PRSS8: variants seen among roughly 807,000 people sequenced by gnomAD.
The protein encoded by PRSS8 is serine protease 8.
In PRSS8, 11 loss-of-function variants were observed where a neutral mutation model predicts 26.7. The ratio of observed to expected loss-of-function variants is 0.41; its 90% CI spans 0.26 to 0.68. PRSS8 has a LOEUF of 0.68. Among genes scored for constraint, PRSS8 ranks in the 30% least tolerant of loss-of-function variants. The probability of loss-of-function intolerance (pLI) is 0.30; values close to 1 mark genes in which losing one functional copy is unlikely to be tolerated. For synonymous variants in PRSS8, 183 were observed against 187.0 expected, an observed-to-expected ratio of 0.98 and a Z score of 0.17; for missense variants, 362 against 443.5, an observed-to-expected ratio of 0.82 and a Z score of 1.65.
Position 31,131,958 on chromosome 16 carries a change from C to T in PRSS8, c.*51G>A, listed in dbSNP as rs1346677831. ...GGGTCCAAAGGCCATCAGGGAAGGA[C>T]CAGGCTCCTGTCCTTGAGTGTGATG... On this transcript the variant is annotated 3_prime_UTR_variant, in exon 6 of 6. Transcript: ENST00000317508. 4 of 1,478,594 alleles carry T rather than the reference C, an allele frequency of 2.7e-6. No homozygotes were observed. The highest frequency in any genetic ancestry group is 1.4e-5 in the South Asian group (1 of 72,786). 91.6% of individuals were successfully genotyped at this position (1,478,594 alleles called of 1,614,324 possible).
At position 31,132,493 on chromosome 16, in the gene PRSS8, G is replaced by A. The variant is rs373855636; in HGVS notation, c.641C>T (p.Pro214Leu). Residue 214 changes from proline to leucine, a missense_variant, in exon 5 of 6, where the codon CCG becomes CTG. Transcript: ENST00000317508. The surrounding 1 kb of genome is among the most constrained non-coding windows in gnomAD (Gnocchi z 5.2). ...LYNIDAKPEE[P>L]HFVQEDMVCA... Reference sequence around the variant, plus strand: ...CACCATGTCCTCTTGGACAAAGTGCGGCTCCTCAGGCTTGGCGTCGATGTT... The same window carrying A: ...CACCATGTCCTCTTGGACAAAGTGCAGCTCCTCAGGCTTGGCGTCGATGTT... The A allele has an allele frequency of 2.2e-5, 36 of 1,613,930 alleles. No individual in the cohort carries two copies. The highest frequency in any genetic ancestry group is 2.7e-5 in the Non-Finnish European group (32 of 1,179,900).
At position 31,135,696 on chromosome 16, in the gene PRSS8, CG is replaced by C. The variant is rs1285027272; in HGVS notation, c.-199del. On this transcript the variant is annotated 5_prime_UTR_variant, in exon 1 of 6. Coordinates refer to ENST00000317508, the MANE Select transcript of PRSS8 (RefSeq NM_002773.5). ...CGGGAGACGCCTGGAGTATCCGAAG[CG>C]AGCAGTGTGGACGAGTCACCAGCAC... 3.5e-6 allele frequency: 2 copies of C among 576,178 alleles called. No individual in the cohort carries two copies. The highest frequency in any genetic ancestry group is 6.1e-6 in the Non-Finnish European group (2 of 326,148). 35.7% of individuals were successfully genotyped at this position (576,178 alleles called of 1,614,324 possible). A position where few individuals can be genotyped will look rare whatever the true frequency, so the allele number is the denominator to read the frequency against.
chr16:31,134,759 A>T, intron 2 of PRSS8: 1 of 228,406 alleles, frequency 4.4e-6, no homozygotes, highest in East Asian at 1.1e-4. Context: ...AGGGAGGCTG[A>T]GGTGGGGAGG....
At position 31,133,046 on chromosome 16, in the gene PRSS8, G is replaced by A; in HGVS notation, c.267-93C>T. 1.3e-6 allele frequency: 2 copies of A among 1,583,116 alleles called. No individual in the cohort carries two copies. The highest frequency in any genetic ancestry group is 2.3e-5 in the South Asian group (2 of 88,756). On this transcript the variant is annotated intron_variant, in intron 3 of 5. Coordinates refer to ENST00000317508, the MANE Select transcript of PRSS8 (RefSeq NM_002773.5). The surrounding 1 kb of genome is among the most constrained non-coding windows in gnomAD (Gnocchi z 4.7). The stretch of plus-strand genomic sequence containing the variant: ...CCCTGATTCCGATCAGCCCCTTTTA[G>A]GTCTCAAATTGCACCTTAGTTTTAT...
chr16:31,135,614 G>C lies in PRSS8; in HGVS notation c.-116C>G, dbSNP rs1596832105. ...CAGAGGGAAGGATCCCAGAATCCGG[G>C]CTGGAAAGGGGCAGCAAGTGTCCAA... On this transcript the variant is annotated 5_prime_UTR_variant, in exon 1 of 6. Coordinates refer to ENST00000317508, the MANE Select transcript of PRSS8 (RefSeq NM_002773.5). The C allele has an allele frequency of 1.1e-6, 1 of 916,966 alleles. No individual in the cohort carries two copies. Among genetic ancestry groups the C allele is most frequent in the Non-Finnish European group, 1.6e-6 (1 of 613,706 alleles). The allele number at this position is 916,966 out of a possible 1,614,324, so 56.8% of individuals were successfully genotyped here. A position where few individuals can be genotyped will look rare whatever the true frequency, so the allele number is the denominator to read the frequency against.
chr16:31,131,931 C>T lies in PRSS8; in HGVS notation c.*78G>A. ...AGGAAGGAGTGGCTCAAGTCAGGCC[C>T]TGGGTCCAAAGGCCATCAGGGAAGG... On this transcript the variant is annotated 3_prime_UTR_variant, in exon 6 of 6. Transcript: ENST00000317508. 2 of 1,422,862 alleles carry T rather than the reference C, an allele frequency of 1.4e-6. No homozygotes were observed. The highest frequency in any genetic ancestry group is 2.9e-5 in the South Asian group (2 of 67,900). 88.1% of individuals were successfully genotyped at this position (1,422,862 alleles called of 1,614,324 possible). A position where few individuals can be genotyped will look rare whatever the true frequency, so the allele number is the denominator to read the frequency against.
At chr16:31,135,034 G>C (rs2057598113) in intron 2 of PRSS8, 120 bp downstream of exon 2, 1 of 1,266,996 alleles carries the variant, frequency 7.9e-7, no homozygotes, top group African/African-American at 1.5e-5. Context: ...CACTCTGGGA[G>C]CCCTAAGAGA....
rs781025837 is a variant in PRSS8, at chr16:31,132,275, C to T, written c.766G>A (p.Val256Met). Residue 256 changes from valine (V) to methionine (M), a missense_variant, in exon 6 of 6, where the codon GTG becomes ATG. Physicochemically the swap from Val to Met is conservative, Grantham distance 21. Transcript: ENST00000317508. The surrounding 1 kb of genome is among the most constrained non-coding windows in gnomAD (Gnocchi z 5.2). ...VEGLWYLTGI[V>M]SWGDACGARN... ...GCCCCACAGGCATCTCCCCAGCTCA[C>T]AATGCCCGTCAGGTACCAGAGACCC... 110 of 1,613,638 alleles carry T rather than the reference C, an allele frequency of 6.8e-5. No homozygotes were observed. The highest frequency in any genetic ancestry group is 9.2e-5 in the Non-Finnish European group (108 of 1,179,762).
Position 31,132,371 on chromosome 16 carries a change from G to C in PRSS8, c.706-36C>G, listed in dbSNP as rs376497429. 69 of 1,613,894 alleles carry C rather than the reference G, an allele frequency of 4.3e-5. No homozygotes were observed. The African/African-American group carries it at 5.1e-4, about 12-fold the overall frequency. On this transcript the variant is annotated intron_variant, in intron 5 of 5. Transcript: ENST00000317508. The surrounding 1 kb of genome is among the most constrained non-coding windows in gnomAD (Gnocchi z 5.2). ...AAGCCACACAGCAGCCATCAGGACCGGGCCAGGCCTCCTTTCCGAAGTTGC... is the reference window on the plus strand; with the variant it reads ...AAGCCACACAGCAGCCATCAGGACCCGGCCAGGCCTCCTTTCCGAAGTTGC...
At position 31,131,583 on chromosome 16, in the gene PRSS8, C is replaced by G; in HGVS notation, c.*426G>C. The G allele has an allele frequency of 2.1e-6, 1 of 486,058 alleles. No homozygotes were observed. The highest frequency in any genetic ancestry group is 2.8e-5 in the South Asian group (1 of 35,232). The allele number at this position is 486,058 out of a possible 1,614,324, so 30.1% of individuals were successfully genotyped here. A position where few individuals can be genotyped will look rare whatever the true frequency, so the allele number is the denominator to read the frequency against. ...CCAGTGGGCAAGATTGGGGCCTTTC[C>G]TGTCCTCGAAGCTGCACAAAGGTGG... On this transcript the variant is annotated 3_prime_UTR_variant, in exon 6 of 6. Coordinates refer to ENST00000317508, the MANE Select transcript of PRSS8 (RefSeq NM_002773.5).
chr16:31,135,574 AC>A lies in PRSS8; in HGVS notation c.-77del. On this transcript the variant is annotated 5_prime_UTR_variant, in exon 1 of 6. Transcript: ENST00000317508. ...GCCTTGGGGTGGTGTCGAAGGCAGG[AC>A]CCAGATGTTGGCTCAGAGGGAAGGA... 8.1e-7 allele frequency: 1 copy of A among 1,240,200 alleles called. No individual in the cohort carries two copies. The highest frequency in any genetic ancestry group is 1.1e-6 in the Non-Finnish European group (1 of 904,356). The allele number at this position is 1,240,200 out of a possible 1,614,324, so 76.8% of individuals were successfully genotyped here.
Position 31,132,383 on chromosome 16 carries a change from C to CT in PRSS8, c.705+45dup, listed in dbSNP as rs1567438852. ...AGCCATCAGGACCGGGCCAGGCCTC[C>CT]TTTCCGAAGTTGCACTGGTCATCTG... On this transcript the variant is annotated intron_variant, in intron 5 of 5. Coordinates refer to ENST00000317508, the MANE Select transcript of PRSS8 (RefSeq NM_002773.5). This position sits in a 1 kb window ranked among gnomAD's most constrained non-coding sequence, Gnocchi z 5.2. 3 of 1,613,930 alleles carry CT rather than the reference C, an allele frequency of 1.9e-6. No individual in the cohort carries two copies. Among genetic ancestry groups the CT allele is most frequent in the Non-Finnish European group, 2.5e-6 (3 of 1,179,836 alleles).
Position 31,132,784 on chromosome 16 carries a change from AGGTGATG to A in PRSS8, c.429_435del (p.Ile144SerfsTer35). The A allele has an allele frequency of 6.2e-7, 1 of 1,613,934 alleles. No homozygotes were observed. The highest frequency in any genetic ancestry group is 8.5e-7 in the Non-Finnish European group (1 of 1,179,864). The stretch of plus-strand genomic sequence containing the variant: ...CAGATGGGCCGGATGTAGCGGGAGA[AGGTGATG>A]GGTCTGCTGAGTTGGAGGAGTGCAA... On this transcript the variant is annotated frameshift_variant, in exon 4 of 6. Coordinates refer to ENST00000317508, the MANE Select transcript of PRSS8 (RefSeq NM_002773.5). LOFTEE classifies it high-confidence loss of function. This position sits in a 1 kb window ranked among gnomAD's most constrained non-coding sequence, Gnocchi z 5.2.
In PRSS8 at chr16:31,132,004, CCAGCTCAG is replaced by C; in HGVS notation, c.1029_*4del. The C allele has an allele frequency of 6.5e-7, 1 of 1,548,610 alleles. No individual in the cohort carries two copies. The highest frequency in any genetic ancestry group is 2.4e-5 in the East Asian group (1 of 41,992). On this transcript the variant is annotated stop_lost and 3_prime_UTR_variant, in exon 6 of 6. Coordinates refer to ENST00000317508, the MANE Select transcript of PRSS8 (RefSeq NM_002773.5). This position sits in a 1 kb window ranked among gnomAD's most constrained non-coding sequence, Gnocchi z 5.2. Reference sequence around the variant, plus strand: ...TGATGCATCCATCCTGGAAGTAGGGCCAGCTCAGTGCTCGCTGAGCCATGGGGAGAGGA... The same window carrying C: ...TGATGCATCCATCCTGGAAGTAGGGCTGCTCGCTGAGCCATGGGGAGAGGA...
Position 31,131,642 on chromosome 16 carries a change from A to G in PRSS8, c.*367T>C, listed in dbSNP as rs1209187522. On this transcript the variant is annotated 3_prime_UTR_variant, in exon 6 of 6. Coordinates refer to ENST00000317508, the MANE Select transcript of PRSS8 (RefSeq NM_002773.5). Reference sequence around the variant, plus strand: ...CAGAACACAGGGAGAGGGCAGAGAGATGTGCTCATCAGTCTGGGCAGGCGG... The same window carrying G: ...CAGAACACAGGGAGAGGGCAGAGAGGTGTGCTCATCAGTCTGGGCAGGCGG... 2 of 416,620 alleles carry G rather than the reference A, an allele frequency of 4.8e-6. No homozygotes were observed. Among genetic ancestry groups the G allele is most frequent in the African/African-American group, 4.0e-5 (2 of 49,814 alleles). The allele number at this position is 416,620 out of a possible 1,614,324, so 25.8% of individuals were successfully genotyped here.
Position 31,132,530 on chromosome 16 carries a change from T to TA in PRSS8, c.603dup (p.Asn202Ter). 1 of 1,614,056 alleles carries TA rather than the reference T, an allele frequency of 6.2e-7. No homozygotes were observed. Among genetic ancestry groups the TA allele is most frequent in the Non-Finnish European group, 8.5e-7 (1 of 1,179,894 alleles). On this transcript the variant is annotated frameshift_variant, in exon 5 of 6. Transcript: ENST00000317508. LOFTEE classifies it high-confidence loss of function. This position sits in a 1 kb window ranked among gnomAD's most constrained non-coding sequence, Gnocchi z 5.2. The stretch of plus-strand genomic sequence containing the variant: ...TTGGCGTCGATGTTGTACAGGCAGT[T>TA]ACACGTCTCACGACTGATCAGAGGC...
chr16:31,132,596 CTG>C lies in PRSS8; in HGVS notation c.539-3_539-2del. 6.2e-7 allele frequency: 1 copy of C among 1,613,960 alleles called. No individual in the cohort carries two copies. The highest frequency in any genetic ancestry group is 1.1e-5 in the South Asian group (1 of 91,090). On this transcript the variant is annotated splice_acceptor_variant and splice_polypyrimidine_tract_variant and intron_variant, in intron 4 of 5. Transcript: ENST00000317508. LOFTEE classifies it high-confidence loss of function. This position sits in a 1 kb window ranked among gnomAD's most constrained non-coding sequence, Gnocchi z 5.2. ...AGTGGCTTGGGCGTCAGGAGGCTCA[CTG>C]TGGGGGTAAAAGAGGCTTACCCTGG...
Position 31,135,413 on chromosome 16 carries a change from C to A in PRSS8, c.85+1G>T. 1 of 1,592,736 alleles carries A rather than the reference C, an allele frequency of 6.3e-7. No homozygotes were observed. The highest frequency in any genetic ancestry group is 8.5e-7 in the Non-Finnish European group (1 of 1,170,130). On this transcript the variant is annotated splice_donor_variant, in intron 1 of 5. Coordinates refer to ENST00000317508, the MANE Select transcript of PRSS8 (RefSeq NM_002773.5). LOFTEE classifies it high-confidence loss of function. ...CACCCTGCCCCCACGTCCTCACTTA[C>A]CTGTCCCCGACCGGAGTAATCCAAG...
chr16:31,132,421 G>A lies in PRSS8; in HGVS notation c.705+8C>T. 1 of 1,613,864 alleles carries A rather than the reference G, an allele frequency of 6.2e-7. No individual in the cohort carries two copies. The highest frequency in any genetic ancestry group is 1.6e-4 in the Middle Eastern group (1 of 6,062). ...CACTGGTCATCTGCCCCCCGGGCCT[G>A]TGCTTACCTGGCAGGCGTCCTTGCC... On this transcript the variant is annotated splice_region_variant and intron_variant, in intron 5 of 5. Coordinates refer to ENST00000317508, the MANE Select transcript of PRSS8 (RefSeq NM_002773.5). The surrounding 1 kb of genome is among the most constrained non-coding windows in gnomAD (Gnocchi z 5.2).
Sources: gnomAD v4.1 joint callset for allele counts on GRCh38, gnomAD v4.1.1 for gene constraint, Gnocchi (gnomAD v3.1) non-coding constraint, MANE v1.5 for transcripts, NCBI Gene and HGNC (gene_info 2026-07-23, HGNC 2026-07-21) for gene names.